Variants in RECQL observed in about 807,000 individuals in gnomAD.
RECQL encodes the protein ATP-dependent DNA helicase Q1.
A neutral mutation model predicts 75.8 loss-of-function variants in RECQL; 73 were observed. The ratio of observed to expected loss-of-function variants is 0.96; its 90% CI spans 0.80 to 1.17. RECQL has a LOEUF of 1.17. RECQL is among the 50% of genes most tolerant of loss of function. The probability of loss-of-function intolerance (pLI) is 0.00; values close to 1 mark genes in which losing one functional copy is unlikely to be tolerated. For missense variants in RECQL, 699 were observed against 772.1 expected, an observed-to-expected ratio of 0.91 and a Z score of 1.12; for synonymous variants, 248 against 254.4, an observed-to-expected ratio of 0.97 and a Z score of 0.24.
At position 21,493,136 on chromosome 12, in the gene RECQL, C is replaced by T. The variant is rs184550689; in HGVS notation, c.17-1420G>A. On this transcript the variant is annotated intron_variant, in intron 2 of 14. Coordinates refer to ENST00000444129, the MANE Select transcript of RECQL (RefSeq NM_002907.4). ...GAATTTTGATCCGGAAGAACAGAAA[C>T]TTAACAGGTTCTCTGAATTGTTTCT... Among the ~76,000 whole-genome samples the T allele has an allele frequency of 3.2e-3, 491 of 152,310 alleles. 1 individual carries two copies. The highest frequency in any genetic ancestry group is 4.3e-3 in the Non-Finnish European group (293 of 68,024).
chr12:21,469,927 G>C lies in RECQL; in HGVS notation c.*267C>G, dbSNP rs1276466939. 1 of 325,482 alleles carries C rather than the reference G, an allele frequency of 3.1e-6. No homozygotes were observed. Among genetic ancestry groups the C allele is most frequent in the Admixed American group, 4.6e-5 (1 of 21,666 alleles). The allele number at this position is 325,482 out of a possible 1,614,324, so 20.2% of individuals were successfully genotyped here. ...AAGGCATAAAAAACTTAAGACGATT[G>C]TATGAACTTATTCTCAAATATTTTA... On this transcript the variant is annotated 3_prime_UTR_variant, in exon 15 of 15. Coordinates refer to ENST00000444129, the MANE Select transcript of RECQL (RefSeq NM_002907.4).
Position 21,475,524 on chromosome 12 carries a change from A to T in RECQL, c.1160T>A (p.Ile387Asn), listed in dbSNP as rs1178901516. The T allele has an allele frequency of 1.2e-6, 2 of 1,613,068 alleles. No homozygotes were observed. The highest frequency in any genetic ancestry group is 3.3e-5 in the Admixed American group (2 of 59,982). ...GIDKPDVRFV[I>N]HHSMSKSMEN... is the part of the protein sequence containing the mutation. ...CATGGATTTACTCATTGAATGATGGATAACAAACCTCACATCTGGCTTATC... is the reference window on the plus strand; with the variant it reads ...CATGGATTTACTCATTGAATGATGGTTAACAAACCTCACATCTGGCTTATC... Residue 387 changes from isoleucine to asparagine, a missense_variant, in exon 10 of 15, where the codon ATC becomes AAC. Ile to Asn is a moderately radical substitution (Grantham distance 149). This residue lies in a region of RECQL where 669 missense variants were observed against 713.5 expected (regional missense o/e 0.94). Transcript: ENST00000444129.
intron 6 of RECQL, among the ~76,000 whole-genome samples, chr12:21,480,858 C>G (rs1943179803): frequency 6.6e-6 from 1 of 152,362 alleles, no homozygotes; most frequent in African/African-American, 2.4e-5. Context: ...CACAAGCCCT[C>G]TTCATTAAGT....
rs2137337795 is a variant in RECQL at position 21,475,509 on chromosome 12, C to T, written c.1175G>A (p.Ser392Asn). The change falls in exon 10 of 15, where the codon AGT becomes AAT. Residue 392 changes from serine (S) to asparagine (N), a missense_variant. Transcript: ENST00000444129. ...DVRFVIHHSM[S>N]KSMENYYQES... ...TTGGTAATAATTTTCCATGGATTTA[C>T]TCATTGAATGATGGATAACAAACCT... The T allele has an allele frequency of 1.2e-6, 2 of 1,612,730 alleles. No homozygotes were observed. Among genetic ancestry groups the T allele is most frequent in the Non-Finnish European group, 1.7e-6 (2 of 1,179,072 alleles).
At chr12:21,487,364 G>A (rs1021208384) in intron 4 of RECQL, among the ~76,000 whole-genome samples, 1 of 152,074 alleles carries the variant, frequency 6.6e-6, no homozygotes, top group African/African-American at 2.4e-5. Context: ...CTTTTTGTAC[G>A]AGATTCATTT....
Position 21,485,080 on chromosome 12 carries a change from A to C in RECQL, c.501+1399T>G, listed in dbSNP as rs1943264325. Among the ~76,000 whole-genome samples the C allele has an allele frequency of 2.6e-5, 4 of 152,062 alleles. No individual in the cohort carries two copies. The South Asian group carries it at 8.3e-4, about 32-fold the overall frequency. On this transcript the variant is annotated intron_variant, in intron 5 of 14. Coordinates refer to ENST00000444129, the MANE Select transcript of RECQL (RefSeq NM_002907.4). ...CACGGTGCCACTCAGTGGCTGCTAA[A>C]ACCATTAGATGAAAAACTGATAACC...
At chr12:21,483,338 T>C in intron 6 of RECQL, 38 bp downstream of exon 6, 1 of 1,385,324 alleles carries the variant, frequency 7.2e-7, no homozygotes, top group Non-Finnish European at 1.0e-6. Context: ...GGACACGGTC[T>C]ATGACATCAA....
rs777754347 is a variant in RECQL at position 21,471,472 on chromosome 12, A to G, written c.1623T>C (p.Asp541=). The G allele has an allele frequency of 5.6e-6, 9 of 1,613,068 alleles. No homozygotes were observed. The East Asian group carries it at 1.3e-4, about 24-fold the overall frequency. The change falls in exon 13 of 15, where the codon GAT becomes GAC. Residue 541 remains aspartate, a synonymous_variant. Coordinates refer to ENST00000444129, the MANE Select transcript of RECQL (RefSeq NM_002907.4). ...GVVAPTLPRE[D]LEKIIAHFLI... ...GAAAGTGTGCAATAATCTTCTCCAG[A>G]TCTTCACGAGGAAGTGTGGGAGCCA...
intron 7 of RECQL, among the ~76,000 whole-genome samples, chr12:21,477,472 G>A (rs1389436943): frequency 6.6e-6 from 1 of 152,108 alleles, no homozygotes; most frequent in African/African-American, 2.4e-5. Context: ...TTTGAACAGA[G>A]ATGTTATTAG....
chr12:21,489,076 C>G (rs1480414473), intron 4 of RECQL, among the ~76,000 whole-genome samples: 2 of 152,196 alleles, frequency 1.3e-5, no homozygotes, highest in Non-Finnish European at 2.9e-5. Flanking sequence ...CCTGACAGCC[C>G]CTAGACCAGA....
At chr12:21,483,784 G>C (rs534278473) in intron 5 of RECQL, among the ~76,000 whole-genome samples, 4 of 152,038 alleles carry the variant, frequency 2.6e-5, no homozygotes, top group South Asian at 2.1e-4. Context: ...ATTTACTAAC[G>C]TCTACATTGT....
In RECQL at chr12:21,489,755, AG is replaced by A. The variant is rs3837493; in HGVS notation, c.394+443del. ...GAATATGGTTAACAATAATTTAGAT[AG>A]GGTTTCGAAAAGCTAGAAGAGAGGA... is the stretch of plus-strand genomic sequence containing the variant. On this transcript the variant is annotated intron_variant, in intron 4 of 14. Transcript: ENST00000444129. 1.6e-4 allele frequency among the ~76,000 whole-genome samples: 25 copies of A among 152,312 alleles called. No homozygotes were observed. The East Asian group carries it at 4.4e-3, about 27-fold the overall frequency.
intron 2 of RECQL, among the ~76,000 whole-genome samples, chr12:21,497,068 T>C (rs1019936042): frequency 6.6e-6 from 1 of 152,192 alleles, no homozygotes; most frequent in African/African-American, 2.4e-5. Context: ...AACTTCTGGG[T>C]TGCTCCTGGG....
chr12:21,473,455 C>G, intron 12 of RECQL, 96 bp downstream of exon 12: 1 of 919,256 alleles, frequency 1.1e-6, no homozygotes, highest in Non-Finnish European at 1.7e-6. Context: ...TGCACAATGA[C>G]AAAATCACCT....
At chr12:21,482,442 A>G (rs1464937431) in intron 6 of RECQL, among the ~76,000 whole-genome samples, 1 of 152,174 alleles carries the variant, frequency 6.6e-6, no homozygotes, top group East Asian at 1.9e-4. Context: ...TGAAATAGGG[A>G]CAAGTATAAG....
intron 6 of RECQL, among the ~76,000 whole-genome samples, chr12:21,480,413 CAG>C (rs749642831): frequency 1.6e-4 from 25 of 152,130 alleles, no homozygotes; most frequent in Non-Finnish European, 3.4e-4. Context: ...CGTAGGTGCA[CAG>C]AGAGTAGACA....
intron 5 of RECQL, 147 bp downstream of exon 5, chr12:21,486,332 T>C (rs1433921656): frequency 1.5e-5 from 14 of 945,562 alleles, no homozygotes; most frequent in Non-Finnish European, 1.8e-5. Context: ...AAATAGACAG[T>C]GGGCCAGAAC....
intron 6 of RECQL, among the ~76,000 whole-genome samples, chr12:21,479,605 G>A (rs112163602): frequency 0.034 from 5,140 of 152,024 alleles, 122 homozygotes; most frequent in Middle Eastern, 0.058. Context: ...CGCCCGCCTC[G>A]GCCTCCCAAA....
intron 8 of RECQL, among the ~76,000 whole-genome samples, chr12:21,476,609 G>A (rs1232509087): frequency 1.3e-5 from 2 of 151,994 alleles, no homozygotes; most frequent in African/African-American, 2.4e-5. Context: ...TGTACACAGT[G>A]GATACATACT....
Sources: gnomAD v4.1 joint callset for allele counts (sites outside exome capture counted in the v4.1 genomes callset) on GRCh38, gnomAD v4.1.1 for gene constraint, gnomAD v4.1.1 regional missense constraint, MANE v1.5 for transcripts, NCBI Gene and HGNC (gene_info 2026-07-23, HGNC 2026-07-21) for gene names.